Variants in KDM4C observed in about 807,000 individuals in gnomAD.
KDM4C encodes the protein lysine-specific demethylase 4C.
A neutral mutation model predicts 129.3 loss-of-function variants in KDM4C; 81 were observed. The ratio of observed to expected loss-of-function variants is 0.63; its 90% CI spans 0.52 to 0.75. KDM4C has a LOEUF of 0.75. Ranked by LOEUF, KDM4C falls within the 30% of genes least tolerant of loss-of-function variation. KDM4C has a pLI of 0.00. For synonymous variants in KDM4C, 573 were observed against 456.1 expected (o/e 1.26, Z -3.26); for missense variants, 1,457 against 1,304.0 (o/e 1.12, Z -1.81).
Position 7,015,978 on chromosome 9 carries a change from A to G in KDM4C, c.2259+49A>G, listed in dbSNP as rs375281936. 1.3e-4 allele frequency: 171 copies of G among 1,298,370 alleles called. 1 individual carries two copies. The highest frequency in any genetic ancestry group is 1.9e-4 in the Non-Finnish European group (169 of 895,124). The allele number at this position is 1,298,370 out of a possible 1,614,324, so 80.4% of individuals were successfully genotyped here. ...CTTAACCTTTCTTCCCACCCTACCC[A>G]CTGTGGACACATTTAAGTCTAGGGA... On this transcript the variant is annotated intron_variant, in intron 15 of 21. Coordinates refer to ENST00000381309, the MANE Select transcript of KDM4C (RefSeq NM_015061.6).
At chr9:7,044,896 C>T (rs945585570) in intron 15 of KDM4C, among the ~76,000 whole-genome samples, 4 of 151,866 alleles carry the variant, frequency 2.6e-5, no homozygotes, top group African/African-American at 9.7e-5. Context: ...GCTAGAGGTG[C>T]AGGAGGACAA....
chr9:7,052,519 G>C (rs952287756), intron 17 of KDM4C, among the ~76,000 whole-genome samples: 6 of 152,174 alleles, frequency 3.9e-5, no homozygotes, highest in Non-Finnish European at 5.9e-5. Flanking sequence ...AAATGTAACA[G>C]ATCTAATTCA....
intron 2 of KDM4C, among the ~76,000 whole-genome samples, chr9:6,799,392 G>T (rs528725926): frequency 9.2e-5 from 14 of 152,228 alleles, no homozygotes; most frequent in African/African-American, 3.1e-4. Context: ...GCGAAACCCC[G>T]TCTCCACCAA....
At chr9:6,877,014 A>G (rs963978172) in intron 5 of KDM4C, among the ~76,000 whole-genome samples, 1 of 152,184 alleles carries the variant, frequency 6.6e-6, no homozygotes, top group Non-Finnish European at 1.5e-5. Flanking sequence ...TTCATTCATT[A>G]TAATGTACTA....
At chr9:6,804,674 C>G (rs540291231) in intron 2 of KDM4C, among the ~76,000 whole-genome samples, 6 of 151,290 alleles carry the variant, frequency 4.0e-5, no homozygotes, top group Non-Finnish European at 8.8e-5. Flanking sequence ...GGGAGAATCG[C>G]TTGAACCCAG....
chr9:6,907,211 A>G (rs1404011746), intron 8 of KDM4C, among the ~76,000 whole-genome samples: 1 of 152,240 alleles, frequency 6.6e-6, no homozygotes, highest in Non-Finnish European at 1.5e-5. Flanking sequence ...CTTCTTTAGC[A>G]TGAAGCTGTA....
At chr9:7,030,523 G>A (rs1163009062) in intron 15 of KDM4C, among the ~76,000 whole-genome samples, 1 of 152,122 alleles carries the variant, frequency 6.6e-6, no homozygotes, top group Non-Finnish European at 1.5e-5. Flanking sequence ...GCTCTGGTGG[G>A]GGATGTTGAT....
At chr9:6,729,126 C>CTTGTCAGTTGCA (rs1440082174) in intron 1 of KDM4C, among the ~76,000 whole-genome samples, 109 of 76,592 alleles carry the variant, frequency 1.4e-3, no homozygotes, top group African/African-American at 3.5e-3. Flanking sequence ...ATTGCTTGAA[C>CTTGTCAGTTGCA]CCGGGAAGCA....
intron 18 of KDM4C, among the ~76,000 whole-genome samples, chr9:7,127,591 A>G (rs895140944): frequency 6.6e-6 from 1 of 152,202 alleles, no homozygotes; most frequent in African/African-American, 2.4e-5. Flanking sequence ...TGTGGCAACT[A>G]AATGCAATAC....
intron 4 of KDM4C, chr9:6,835,203 C>T (rs776585720): frequency 3.3e-6 from 3 of 918,806 alleles, no homozygotes; most frequent in African/African-American, 1.6e-5. Context: ...TCACCATCGG[C>T]AACGAGCAGT....
At chr9:6,958,608 A>G (rs1161576757) in intron 8 of KDM4C, among the ~76,000 whole-genome samples, 1 of 151,928 alleles carries the variant, frequency 6.6e-6, no homozygotes, top group Non-Finnish European at 1.5e-5. Context: ...ATCGTATCAC[A>G]CTGAGTAAGG....
At chr9:6,813,196 T>C (rs1831480157) in intron 3 of KDM4C, among the ~76,000 whole-genome samples, 1 of 151,746 alleles carries the variant, frequency 6.6e-6, no homozygotes, top group East Asian at 1.9e-4. Flanking sequence ...AAGAAAAACA[T>C]TAAAAAAAAA....
chr9:7,053,040 A>C (rs1172756408), intron 17 of KDM4C, among the ~76,000 whole-genome samples: 2 of 152,178 alleles, frequency 1.3e-5, no homozygotes, highest in Non-Finnish European at 2.9e-5. Flanking sequence ...CCCTTGGGGC[A>C]AGTTAGAGTT....
chr9:6,988,416 C>A (rs1229066643), intron 11 of KDM4C, among the ~76,000 whole-genome samples: 2 of 152,124 alleles, frequency 1.3e-5, no homozygotes, highest in African/African-American at 4.8e-5. Context: ...CAAAGACTGA[C>A]AGTAGAGAAA....
At chr9:6,748,635 T>C (rs1023963159) in intron 1 of KDM4C, 29 of 834,650 alleles carry the variant, frequency 3.5e-5, no homozygotes, top group Admixed American at 3.2e-4. Context: ...TAAATGTTCA[T>C]ATTGGACAAA....
At chr9:6,827,490 A>G (rs1375374142) in intron 4 of KDM4C, among the ~76,000 whole-genome samples, 2 of 152,212 alleles carry the variant, frequency 1.3e-5, no homozygotes, top group South Asian at 2.1e-4. Context: ...TTTAACCTAT[A>G]GACTTTTTTT....
intron 8 of KDM4C, among the ~76,000 whole-genome samples, chr9:6,952,396 A>C (rs1032182540): frequency 2.2e-5 from 3 of 134,966 alleles, no homozygotes; most frequent in Middle Eastern, 3.4e-3. Flanking sequence ...GAAATTGTTC[A>C]CAGTGTGTAT....
At chr9:7,036,149 C>T (rs1827609535) in intron 15 of KDM4C, among the ~76,000 whole-genome samples, 1 of 152,036 alleles carries the variant, frequency 6.6e-6, no homozygotes, top group Non-Finnish European at 1.5e-5. Context: ...TTTGTATCTC[C>T]TTCAGTTTCT....
intron 19 of KDM4C, among the ~76,000 whole-genome samples, chr9:7,160,144 C>A (rs367646936): frequency 6.6e-6 from 1 of 152,114 alleles, no homozygotes; most frequent in African/African-American, 2.4e-5. Flanking sequence ...CTTGTGCGTG[C>A]GTCACAAAGT....
Sources: allele counts gnomAD v4.1 joint callset (sites outside exome capture counted in the v4.1 genomes callset), GRCh38; gene constraint gnomAD v4.1.1; transcripts MANE v1.5; gene names NCBI Gene and HGNC (gene_info 2026-07-23, HGNC 2026-07-21).